TEX36: variants seen among roughly 807,000 people sequenced by gnomAD.
TEX36 encodes testis-expressed protein 36.
In TEX36, 12 loss-of-function variants were observed where a neutral mutation model predicts 13.6. The ratio of observed to expected loss-of-function variants is 0.88; its 90% CI spans 0.56 to 1.43. The LOEUF is 1.43. Among genes scored for constraint, TEX36 ranks in the 40% most tolerant of loss-of-function variants. The pLI is 0.00. For missense variants in TEX36, 224 were observed against 228.3 expected (o/e 0.98, Z 0.12); for synonymous variants, 93 against 83.0 (o/e 1.12, Z -0.65).
downstream of TEX36, among the ~76,000 whole-genome samples, chr10:125,617,906 T>C (rs1251506899): frequency 7.2e-3 from 1,100 of 152,246 alleles, 16 homozygotes; most frequent in African/African-American, 0.025. Flanking sequence ...CCATTCTCCC[T>C]GTCACTTTCA....
chr10:125,675,446 C>T (rs551005050), intron 1 of TEX36, among the ~76,000 whole-genome samples: 88 of 152,262 alleles, frequency 5.8e-4, no homozygotes, highest in African/African-American at 2.0e-3. Context: ...CCCAGGAACT[C>T]GGTAGTCTTA....
chr10:125,620,863 A>G (rs1004034625), downstream of TEX36, among the ~76,000 whole-genome samples: 4 of 152,170 alleles, frequency 2.6e-5, no homozygotes, highest in South Asian at 6.2e-4. Flanking sequence ...ACCTCAATTA[A>G]GTAGAATCAT....
Position 125,576,876 on chromosome 10 carries a change from T to C in TEX36, c.265-2A>G, listed in dbSNP as rs1589736119. ...TGGGTCCGTTGCTGTCATTCTTTCC[T>C]GTGAGGAAGAGGGAAGATGTAGAAC... is the stretch of plus-strand genomic sequence containing the variant. On this transcript the variant is annotated splice_acceptor_variant, in intron 3 of 3. Coordinates refer to the TEX36 transcript ENST00000532135. LOFTEE classifies it high-confidence loss of function. 1 of 1,536,128 alleles carries C rather than the reference T, an allele frequency of 6.5e-7. No individual in the cohort carries two copies. Among genetic ancestry groups the C allele is most frequent in the South Asian group, 1.2e-5 (1 of 84,064 alleles).
intron 3 of TEX36, among the ~76,000 whole-genome samples, chr10:125,587,375 A>G (rs1431116715): frequency 6.6e-6 from 1 of 152,230 alleles, no homozygotes; most frequent in East Asian, 1.9e-4. Flanking sequence ...TAATTTTTAA[A>G]GGTTATTAAA....
At position 125,655,731 on chromosome 10, in the gene TEX36, T is replaced by C. The variant is rs1281807454; in HGVS notation, c.*169A>G. 3 of 1,325,760 alleles carry C rather than the reference T, an allele frequency of 2.3e-6. No individual in the cohort carries two copies. The highest frequency in any genetic ancestry group is 2.9e-6 in the Non-Finnish European group (3 of 1,040,840). The allele number at this position is 1,325,760 out of a possible 1,614,324, so 82.1% of individuals were successfully genotyped here. On this transcript the variant is annotated 3_prime_UTR_variant, in exon 4 of 4. Transcript: ENST00000368821. ...TCTGAAAAGTTTATTTACACATGCG[T>C]ATGTCATCACAAATTCATTTCACAA...
intron 3 of TEX36, among the ~76,000 whole-genome samples, chr10:125,629,822 G>GTGT (rs1253481368): frequency 6.6e-6 from 1 of 152,144 alleles, no homozygotes; most frequent in Admixed American, 6.5e-5. Flanking sequence ...TTAAGTCACT[G>GTGT]TGAGAGACTA....
chr10:125,647,960 G>A (rs937276516), intron 3 of TEX36, among the ~76,000 whole-genome samples: 1 of 152,226 alleles, frequency 6.6e-6, no homozygotes, highest in East Asian at 1.9e-4. Context: ...TGGGGGAGGG[G>A]CATCCACCAT....
intron 1 of TEX36, among the ~76,000 whole-genome samples, chr10:125,675,628 G>A (rs1446612030): frequency 6.6e-6 from 1 of 152,108 alleles, no homozygotes; most frequent in Non-Finnish European, 1.5e-5. Flanking sequence ...ACCCTTCTTG[G>A]CTGGGGGTGG....
intron 1 of TEX36, among the ~76,000 whole-genome samples, chr10:125,666,395 T>G (rs1452864601): frequency 6.6e-5 from 10 of 152,176 alleles, no homozygotes; most frequent in Non-Finnish European, 1.3e-4. Flanking sequence ...TTGTTGAGAG[T>G]GTTTATCATA....
chr10:125,678,584 T>C (rs538563297), intron 1 of TEX36, among the ~76,000 whole-genome samples: 1 of 152,006 alleles, frequency 6.6e-6, no homozygotes, highest in South Asian at 2.1e-4. Context: ...AGGCAGCTGG[T>C]GTGGCATGGG....
At chr10:125,601,886 G>T (rs1487390785) in intron 3 of TEX36, among the ~76,000 whole-genome samples, 1 of 152,198 alleles carries the variant, frequency 6.6e-6, no homozygotes, top group African/African-American at 2.4e-5. Context: ...GTGCACTGGG[G>T]TCCTCGCCCT....
chr10:125,632,991 T>G (rs1224288039), intron 3 of TEX36, among the ~76,000 whole-genome samples: 1 of 152,044 alleles, frequency 6.6e-6, no homozygotes, highest in Non-Finnish European at 1.5e-5. Flanking sequence ...GGCCGTAGTG[T>G]CATACGCCTG....
At chr10:125,599,993 C>T (rs1389560098) in intron 3 of TEX36, among the ~76,000 whole-genome samples, 1 of 152,162 alleles carries the variant, frequency 6.6e-6, no homozygotes, top group Non-Finnish European at 1.5e-5. Context: ...TGGAAAGCTT[C>T]AGTCCCTCAT....
At chr10:125,613,240 C>CTTTT (rs1846312679) in intron 3 of TEX36, among the ~76,000 whole-genome samples, 1 of 102,140 alleles carries the variant, frequency 9.8e-6, no homozygotes, top group South Asian at 3.1e-4. Context: ...TTTTTGACAT[C>CTTTT]TTTTATTTAT....
downstream of TEX36, among the ~76,000 whole-genome samples, chr10:125,651,396 C>T (rs953069082): frequency 1.3e-5 from 2 of 152,116 alleles, no homozygotes; most frequent in East Asian, 3.8e-4. Context: ...AGACAAAAAC[C>T]ACATGATTAT....
At chr10:125,587,943 A>T (rs576229525) in intron 3 of TEX36, among the ~76,000 whole-genome samples, 3 of 152,106 alleles carry the variant, frequency 2.0e-5, no homozygotes, top group Admixed American at 2.0e-4. Flanking sequence ...ATCATCCCAT[A>T]TTAGCCGCTA....
chr10:125,608,861 G>A (rs570565835), intron 3 of TEX36, among the ~76,000 whole-genome samples: 18 of 151,796 alleles, frequency 1.2e-4, no homozygotes, highest in Admixed American at 3.3e-4. Context: ...GAGGCCGGGC[G>A]CGGTGGCTAA....
In TEX36 at chr10:125,646,913, T is replaced by C. The variant is rs554246599; in HGVS notation, c.264+14108A>G. 1.1e-4 allele frequency among the ~76,000 whole-genome samples: 16 copies of C among 152,248 alleles called. No individual in the cohort carries two copies. The East Asian group carries it at 3.1e-3, about 29-fold the overall frequency. ...GGCAAATTCTATAGGTATTTGCAAT[T>C]TATATAAGTGGTGTCAGAAGATAGA... On this transcript the variant is annotated intron_variant, in intron 3 of 3. Coordinates refer to the TEX36 transcript ENST00000526819.
In TEX36 at chr10:125,608,992, G is replaced by GAAAGA. The variant is rs753631835; in HGVS notation, c.265-32123_265-32119dup. ...TCTACTAAAAAAAAAAAAAAAAAAA[G>GAAAGA]AAAGAAAAGAAAAGAAAAAAAGGAA... On this transcript the variant is annotated intron_variant, in intron 3 of 3. Transcript: ENST00000532135. 9.4e-3 allele frequency among the ~76,000 whole-genome samples: 1,094 copies of GAAAGA among 115,796 alleles called. 10 individuals carry two copies. The highest frequency in any genetic ancestry group is 0.014 in the Non-Finnish European group (816 of 58,092). 76.0% of individuals were successfully genotyped at this position (115,796 alleles called of 152,430 possible).
Sources: gnomAD v4.1 joint callset for allele counts (sites outside exome capture counted in the v4.1 genomes callset) on GRCh38, gnomAD v4.1.1 for gene constraint, MANE v1.5 for transcripts, NCBI Gene and HGNC (gene_info 2026-07-23, HGNC 2026-07-21) for gene names.